The following ANKRD30BL variants were observed in gnomAD, a reference collection of about 807,000 sequenced individuals.
ANKRD30BL encodes the protein ankyrin repeat domain 30B like.
ANKRD30BL carries 20 observed loss-of-function variants against 18.4 expected under a neutral mutation model. The ratio of observed to expected loss-of-function variants is 1.09; its 90% CI spans 0.77 to 1.58. The LOEUF is 1.58. ANKRD30BL is among the 40% of genes most tolerant of loss of function. The pLI is 0.00. For synonymous variants in ANKRD30BL, 72 were observed against 100.9 expected, an observed-to-expected ratio of 0.71 and a Z score of 1.72; for missense variants, 224 against 268.6, an observed-to-expected ratio of 0.83 and a Z score of 1.16.
At chr2:132,230,771 G>A (rs1195451108) in intron 1 of ANKRD30BL, among the ~76,000 whole-genome samples, 2 of 152,132 alleles carry the variant, frequency 1.3e-5, no homozygotes, top group Non-Finnish European at 2.9e-5. Flanking sequence ...ATCTGCACGT[G>A]GACATTTGGA....
chr2:132,179,989 T>C (rs1428796584), intron 1 of ANKRD30BL, among the ~76,000 whole-genome samples: 1 of 152,134 alleles, frequency 6.6e-6, no homozygotes, highest in Non-Finnish European at 1.5e-5. Flanking sequence ...TCAAAAAAAG[T>C]ATATTAAATA....
intron 1 of ANKRD30BL, among the ~76,000 whole-genome samples, chr2:132,247,950 C>G (rs1680547008): frequency 6.6e-6 from 1 of 151,984 alleles, no homozygotes; most frequent in African/African-American, 2.4e-5. Flanking sequence ...CACCTTAGTC[C>G]TCAAAGGGCT....
chr2:132,183,820 G>C (rs191366838), intron 1 of ANKRD30BL, among the ~76,000 whole-genome samples: 1 of 151,986 alleles, frequency 6.6e-6, no homozygotes, highest in African/African-American at 2.4e-5. Context: ...GCTGCTCTTC[G>C]TGGGATGTAA....
intron 1 of ANKRD30BL, among the ~76,000 whole-genome samples, chr2:132,243,228 T>A (rs999069546): frequency 6.6e-6 from 1 of 151,260 alleles, no homozygotes; most frequent in Non-Finnish European, 1.5e-5. Context: ...TATCCTCACA[T>A]AACAAATAGG....
At chr2:132,205,335 G>A (rs1679189527) in intron 1 of ANKRD30BL, among the ~76,000 whole-genome samples, 1 of 151,016 alleles carries the variant, frequency 6.6e-6, no homozygotes, top group Non-Finnish European at 1.5e-5. Flanking sequence ...CATGGGCTGG[G>A]CATTGTGGCT....
At chr2:132,231,643 C>T (rs548015998) in intron 1 of ANKRD30BL, among the ~76,000 whole-genome samples, 77 of 152,156 alleles carry the variant, frequency 5.1e-4, no homozygotes, top group Middle Eastern at 3.2e-3. Context: ...GCTTAAAAAA[C>T]GGCACACCAC....
chr2:132,251,999 A>T (rs1172344756), intron 1 of ANKRD30BL, among the ~76,000 whole-genome samples: 1 of 152,254 alleles, frequency 6.6e-6, no homozygotes, highest in Non-Finnish European at 1.5e-5. Flanking sequence ...ATAGATATTT[A>T]ACAAACCAAA....
At chr2:132,202,435 CT>C (rs993884607) in intron 1 of ANKRD30BL, among the ~76,000 whole-genome samples, 6 of 138,244 alleles carry the variant, frequency 4.3e-5, no homozygotes, top group Admixed American at 7.4e-5. Context: ...TTTTTATCCT[CT>C]TTTTTTTTAC....
intron 1 of ANKRD30BL, among the ~76,000 whole-genome samples, chr2:132,185,173 T>C (rs1184956483): frequency 6.6e-6 from 1 of 152,152 alleles, no homozygotes; most frequent in East Asian, 1.9e-4. Context: ...ACTCTCCTTC[T>C]CAAAACATGA....
chr2:132,200,043 C>T (rs913234862), intron 1 of ANKRD30BL, among the ~76,000 whole-genome samples: 1 of 152,158 alleles, frequency 6.6e-6, no homozygotes, highest in Admixed American at 6.5e-5. Flanking sequence ...AGCATATAAA[C>T]AGAACCAAAG....
At chr2:132,238,140 A>G (rs1359735322) in intron 1 of ANKRD30BL, among the ~76,000 whole-genome samples, 1 of 152,042 alleles carries the variant, frequency 6.6e-6, no homozygotes, top group African/African-American at 2.4e-5. Flanking sequence ...CTTCACATAA[A>G]AAGAAGACAG....
At chr2:132,236,408 G>A (rs1417755374) in intron 1 of ANKRD30BL, among the ~76,000 whole-genome samples, 2 of 151,932 alleles carry the variant, frequency 1.3e-5, no homozygotes, top group Non-Finnish European at 2.9e-5. Context: ...AATCTACAAT[G>A]AACTCAAACA....
At chr2:132,169,373 G>GT (rs1254707726) in intron 1 of ANKRD30BL, among the ~76,000 whole-genome samples, 2 of 152,182 alleles carry the variant, frequency 1.3e-5, no homozygotes, top group Admixed American at 6.5e-5. Context: ...TGGTGGCGGG[G>GT]TGCGGTGGCC....
At chr2:132,192,368 A>G (rs1678878165) in intron 1 of ANKRD30BL, among the ~76,000 whole-genome samples, 1 of 152,198 alleles carries the variant, frequency 6.6e-6, no homozygotes, top group African/African-American at 2.4e-5. Flanking sequence ...TGTGGCACAC[A>G]TGGCAATTCT....
intron 1 of ANKRD30BL, among the ~76,000 whole-genome samples, chr2:132,199,552 G>A (rs1461060108): frequency 6.6e-6 from 1 of 151,352 alleles, no homozygotes; most frequent in Non-Finnish European, 1.5e-5. Context: ...TGTGGTCCAA[G>A]CTGGAGTGCA....
At chr2:132,221,210 G>A (rs1178580702) in intron 1 of ANKRD30BL, among the ~76,000 whole-genome samples, 54 of 136,088 alleles carry the variant, frequency 4.0e-4, no homozygotes, top group African/African-American at 1.1e-3. Flanking sequence ...TCAGCCCCCC[G>A]CCCGGCCAGC....
In ANKRD30BL at chr2:132,218,955, G is replaced by A. The variant is rs576830037; in HGVS notation, n.441+38574C>T. On this transcript the variant is annotated intron_variant and non_coding_transcript_variant, in intron 1 of 4. Coordinates refer to the ANKRD30BL transcript ENST00000470729. ...ACATTTGGACCGCTTTGAGGCCTTC[G>A]TTGGAAACGGGAATATCTTCACATA... is the stretch of plus-strand genomic sequence containing the variant. Among the ~76,000 whole-genome samples the A allele has an allele frequency of 2.8e-3, 432 of 151,810 alleles. 1 individual carries two copies. Among genetic ancestry groups the A allele is most frequent in the African/African-American group, 9.2e-3 (381 of 41,418 alleles).
intron 1 of ANKRD30BL, among the ~76,000 whole-genome samples, chr2:132,239,188 C>T (rs572752116): frequency 1.3e-5 from 2 of 152,232 alleles, no homozygotes; most frequent in South Asian, 4.1e-4. Flanking sequence ...GTGTACTCAA[C>T]TCATAGGGTT....
At position 132,257,736 on chromosome 2, in the gene ANKRD30BL, C is replaced by T. The variant is rs77919965; in HGVS notation, n.234G>A. The T allele has an allele frequency of 1.5e-4, 22 of 151,554 alleles. No individual in the cohort carries two copies. The South Asian group carries it at 4.6e-3, about 32-fold the overall frequency. 9.4% of individuals were successfully genotyped at this position (151,554 alleles called of 1,614,324 possible). A position where few individuals can be genotyped will look rare whatever the true frequency, so the allele number is the denominator to read the frequency against. On this transcript the variant is annotated non_coding_transcript_exon_variant, in exon 1 of 5. Coordinates refer to the ANKRD30BL transcript ENST00000470729. The stretch of plus-strand genomic sequence containing the variant: ...TCGGGCCCGCAGAGGCGCTCAGGGA[C>T]GCCTGGGGAAGGGAGGGGGCCTGCG...
Sources: allele counts gnomAD v4.1 joint callset (sites outside exome capture counted in the v4.1 genomes callset), GRCh38; gene constraint gnomAD v4.1.1; transcripts MANE v1.5; gene names NCBI Gene and HGNC (gene_info 2026-07-23, HGNC 2026-07-21).